The following SEC31B variants were observed in gnomAD, a reference collection of about 807,000 sequenced individuals.
The protein encoded by SEC31B is SEC31 homolog B, COPII component.
A neutral mutation model predicts 135.0 loss-of-function variants in SEC31B; 113 were observed. That is an observed-to-expected ratio of 0.84 (90% confidence interval 0.72 to 0.98). The LOEUF is 0.98. Among genes scored for constraint, SEC31B ranks in the 50% least tolerant of loss-of-function variants. SEC31B has a pLI of 0.00. For missense variants in SEC31B, 1,296 were observed against 1,421.1 expected, an observed-to-expected ratio of 0.91 and a Z score of 1.42; for synonymous variants, 508 against 549.4, an observed-to-expected ratio of 0.92 and a Z score of 1.05.
At chr10:100,495,649 C>T (rs1162981743) in intron 18 of SEC31B, 103 bp from the exon 19 acceptor site, 3 of 1,162,604 alleles carry the variant, frequency 2.6e-6, no homozygotes, top group Non-Finnish European at 3.7e-6. Context: ...GCTTGTCCAA[C>T]CTGTGTTATT....
chr10:100,488,069 G>T lies in SEC31B; in HGVS notation c.3318C>A (p.Ala1106=), dbSNP rs757355055. The T allele has an allele frequency of 1.9e-6, 3 of 1,614,016 alleles. No homozygotes were observed. The highest frequency in any genetic ancestry group is 2.5e-6 in the Non-Finnish European group (3 of 1,179,982). ...TCTCATATAGATACTCCAGACGCTG[G>T]GCTGCCTCTTCCAGCTTCCTTTTTG... is the stretch of plus-strand genomic sequence containing the variant. ...LKTKRKLEEA[A]QRLEYLYEKL... Residue 1106 remains alanine, a synonymous_variant, in exon 25 of 26, where the codon GCC becomes GCA. Transcript: ENST00000370345.
At chr10:100,495,104 G>T in intron 19 of SEC31B, 1 of 378,928 alleles carries the variant, frequency 2.6e-6, no homozygotes, top group Non-Finnish European at 5.0e-6. Context: ...GGGATTACAG[G>T]CGTGAGCCAC....
intron 1 of SEC31B, among the ~76,000 whole-genome samples, chr10:100,517,505 G>T (rs893346990): frequency 4.6e-5 from 7 of 152,204 alleles, no homozygotes; most frequent in Admixed American, 3.9e-4. Context: ...GGGATAACAG[G>T]CATGTGCCAC....
At chr10:100,508,495 G>A (rs1329571020) in intron 5 of SEC31B, 1 of 464,432 alleles carries the variant, frequency 2.2e-6, no homozygotes, top group Admixed American at 2.3e-5. Context: ...AAAGAGAAAA[G>A]GCCAGGAAGC....
rs901421327 is a variant in SEC31B at position 100,508,339 on chromosome 10, C to T, written c.496-288G>A. ...TAAAAAACAGCCCTCTTGTCTAGGA[C>T]AAAAAAAGAGGGAGAGAAGGAGGAA... On this transcript the variant is annotated intron_variant, in intron 5 of 25. Coordinates refer to ENST00000370345, the MANE Select transcript of SEC31B (RefSeq NM_015490.4). 1.5e-5 allele frequency: 8 copies of T among 535,820 alleles called. No individual in the cohort carries two copies. The African/African-American group carries it at 1.5e-4, about 10-fold the overall frequency. 33.2% of individuals were successfully genotyped at this position (535,820 alleles called of 1,614,324 possible). A position where few individuals can be genotyped will look rare whatever the true frequency, so the allele number is the denominator to read the frequency against.
chr10:100,509,593 C>T (rs1851702133), intron 3 of SEC31B, 82 bp from the exon 4 acceptor site: 1 of 1,178,380 alleles, frequency 8.5e-7, no homozygotes, highest in South Asian at 1.7e-5. Flanking sequence ...TCAGCTTCTG[C>T]CATTATGCAG....
chr10:100,505,519 C>T (rs754873785), intron 9 of SEC31B, 24 bp from the exon 10 acceptor site: 3 of 1,509,204 alleles, frequency 2.0e-6, no homozygotes, highest in East Asian at 2.5e-5. Flanking sequence ...ACACCTGCAT[C>T]GCCATCCTAA....
chr10:100,488,180 C>T, intron 24 of SEC31B, 82 bp from the exon 25 acceptor site: 1 of 1,319,454 alleles, frequency 7.6e-7, no homozygotes, highest in Non-Finnish European at 1.1e-6. Flanking sequence ...GCATATTAGG[C>T]CGGGCATGGT....
intron 4 of SEC31B, 68 bp downstream of exon 4, chr10:100,509,248 A>G (rs777878372): frequency 5.5e-5 from 85 of 1,542,300 alleles, no homozygotes; most frequent in Admixed American, 2.8e-4. Context: ...GGAGGCCACA[A>G]ATGAATGCTT....
At chr10:100,502,825 G>A (rs757779117) in intron 10 of SEC31B, among the ~76,000 whole-genome samples, 1 of 152,166 alleles carries the variant, frequency 6.6e-6, no homozygotes, top group African/African-American at 2.4e-5. Flanking sequence ...CAACGACAAA[G>A]TCCTACCTAT....
intron 19 of SEC31B, among the ~76,000 whole-genome samples, chr10:100,492,258 C>G (rs11190583): frequency 0.17 from 25,883 of 152,182 alleles, 2,602 homozygotes; most frequent in South Asian, 0.24. Context: ...GAGTTTCGCT[C>G]TTGGTGCCCA....
intron 1 of SEC31B, among the ~76,000 whole-genome samples, chr10:100,519,450 C>CT (rs1851910290): frequency 6.6e-6 from 1 of 152,246 alleles, no homozygotes; most frequent in Non-Finnish European, 1.5e-5. Flanking sequence ...AATGACAGAC[C>CT]TTCCCGCCCA....
chr10:100,509,418 T>G lies in SEC31B; in HGVS notation c.297A>C (p.Leu99=), dbSNP rs140296904. ...AAGACAGGATGTGGGTCACATTGTA[T>G]AGAATAAGCATGCCATTGTCCCCGC... ...VGGGDNGMLI[L]YNVTHILSSG... is the part of the protein sequence containing the mutation. Residue 99 remains leucine (L), a synonymous_variant, in exon 4 of 26, where the codon CTA becomes CTC. Coordinates refer to ENST00000370345, the MANE Select transcript of SEC31B (RefSeq NM_015490.4). 6.2e-7 allele frequency: 1 copy of G among 1,614,108 alleles called. No homozygotes were observed. The highest frequency in any genetic ancestry group is 1.7e-5 in the Admixed American group (1 of 60,014).
rs1210571457 is a variant in SEC31B, at chr10:100,507,957, T to A, written c.590A>T (p.Asp197Val). The A allele has an allele frequency of 1.2e-6, 2 of 1,614,170 alleles. No individual in the cohort carries two copies. Among genetic ancestry groups the A allele is most frequent in the East Asian group, 4.5e-5 (2 of 44,880 alleles). The change falls in exon 6 of 26, where the codon GAT (aspartate) becomes GTT (valine). Residue 197 changes from aspartate (D) to valine (V), a missense_variant. Coordinates refer to ENST00000370345, the MANE Select transcript of SEC31B (RefSeq NM_015490.4). ...AHPSGKAVVW[D>V]LRKNEPIIKV... ...GATGATAGGTTCATTCTTCCTGAGATCCCACACAACTGCCTTGCCACTGGG... is the reference window on the plus strand; with the variant it reads ...GATGATAGGTTCATTCTTCCTGAGAACCCACACAACTGCCTTGCCACTGGG...
At chr10:100,515,103 C>A (rs899985770) in intron 3 of SEC31B, among the ~76,000 whole-genome samples, 1 of 151,490 alleles carries the variant, frequency 6.6e-6, no homozygotes, top group Non-Finnish European at 1.5e-5. Flanking sequence ...CCAGCCTGGG[C>A]AACATGGCAA....
intron 3 of SEC31B, among the ~76,000 whole-genome samples, chr10:100,510,403 C>A (rs187497458): frequency 4.0e-4 from 61 of 152,346 alleles, no homozygotes; most frequent in Admixed American, 1.5e-3. Context: ...GAGGATGCTT[C>A]TAACAAGATA....
At chr10:100,489,146 G>T in intron 23 of SEC31B, 106 bp downstream of exon 23, 1 of 1,449,246 alleles carries the variant, frequency 6.9e-7, no homozygotes, top group Non-Finnish European at 9.2e-7. Context: ...CCTGCCCCCA[G>T]TCTCCCTCAG....
intron 10 of SEC31B, among the ~76,000 whole-genome samples, chr10:100,503,429 GACA>G (rs1851559530): frequency 6.8e-6 from 1 of 147,524 alleles, no homozygotes; most frequent in African/African-American, 2.5e-5. Flanking sequence ...ATCCAAGGCT[GACA>G]ACTTTTTTTT....
At position 100,498,016 on chromosome 10, in the gene SEC31B, G is replaced by GAT; in HGVS notation, c.1863+11_1863+12dup. ...AATCCCCTCCCTTCTTCTCCTGCAT[G>GAT]ATGGGCAGTTACCGAGGAGATTTTG... On this transcript the variant is annotated intron_variant, in intron 15 of 25. Coordinates refer to ENST00000370345, the MANE Select transcript of SEC31B (RefSeq NM_015490.4). The GAT allele has an allele frequency of 6.2e-7, 1 of 1,613,970 alleles. No individual in the cohort carries two copies. Among genetic ancestry groups the GAT allele is most frequent in the Non-Finnish European group, 8.5e-7 (1 of 1,179,894 alleles).
Sources: allele counts gnomAD v4.1 joint callset (sites outside exome capture counted in the v4.1 genomes callset), GRCh38; gene constraint gnomAD v4.1.1; transcripts MANE v1.5; gene names NCBI Gene and HGNC (gene_info 2026-07-23, HGNC 2026-07-21).